Variants in LRRC7 observed in about 807,000 individuals in gnomAD.
LRRC7 encodes leucine rich repeat containing 7.
In LRRC7, 23 loss-of-function variants were observed where a neutral mutation model predicts 175.7. The observed-to-expected ratio is 0.13, with a 90% CI of 0.09 to 0.19. LRRC7 has a LOEUF of 0.19. Ranked by LOEUF, LRRC7 falls within the 10% of genes least tolerant of loss-of-function variation. The pLI, the probability that LRRC7 is intolerant of heterozygous loss-of-function variation, is 1.00. For synonymous variants in LRRC7, 685 were observed against 680.9 expected, an observed-to-expected ratio of 1.01 and a Z score of -0.09; for missense variants, 1,354 against 1,904.7, an observed-to-expected ratio of 0.71 and a Z score of 5.38.
Position 70,127,916 on chromosome 1 carries a change from C to A in LRRC7, c.*6029C>A, listed in dbSNP as rs918509246. 6.6e-6 allele frequency among the ~76,000 whole-genome samples: 1 copy of A among 152,172 alleles called. No homozygotes were observed. The highest frequency in any genetic ancestry group is 3.4e-3 in the Middle Eastern group (1 of 294). ...AGATTTTGAAACCTGGCATAATTTT[C>A]TCTTCTCCTTTTTTGAAAAAAAGAC... is the stretch of plus-strand genomic sequence containing the variant. On this transcript the variant is annotated 3_prime_UTR_variant, in exon 27 of 27. Coordinates refer to ENST00000651989, the MANE Select transcript of LRRC7 (RefSeq NM_001370785.2).
rs1218239843 is a variant in LRRC7 at position 70,129,574 on chromosome 1, C to T, written c.*7687C>T. 6.6e-6 allele frequency among the ~76,000 whole-genome samples: 1 copy of T among 152,028 alleles called. No individual in the cohort carries two copies. Among genetic ancestry groups the T allele is most frequent in the Non-Finnish European group, 1.5e-5 (1 of 68,016 alleles). The stretch of plus-strand genomic sequence containing the variant: ...AAAGAGTCTTCTAGGTTCAGCGGCC[C>T]CAAAAAGTCCCTCCTATGACCACTG... On this transcript the variant is annotated 3_prime_UTR_variant, in exon 27 of 27. Coordinates refer to ENST00000651989, the MANE Select transcript of LRRC7 (RefSeq NM_001370785.2).
Position 70,132,837 on chromosome 1 carries a change from G to A in LRRC7, c.*10950G>A, listed in dbSNP as rs1258548136. 6.6e-6 allele frequency among the ~76,000 whole-genome samples: 1 copy of A among 152,074 alleles called. No individual in the cohort carries two copies. The highest frequency in any genetic ancestry group is 1.9e-4 in the East Asian group (1 of 5,188). On this transcript the variant is annotated 3_prime_UTR_variant, in exon 27 of 27. Transcript: ENST00000651989. ...ACAGGTAAAAGCTCTGTGGAGAAAG[G>A]AGCAAAATTATTGTCCTATCATAAG...
At chr1:69,769,101 C>T (rs918880118) in intron 3 of LRRC7, among the ~76,000 whole-genome samples, 6 of 152,136 alleles carry the variant, frequency 3.9e-5, no homozygotes, top group East Asian at 1.9e-4. Flanking sequence ...ACTATAGTTA[C>T]CAGTTATTAT....
intron 2 of LRRC7, among the ~76,000 whole-genome samples, chr1:69,686,963 T>A (rs1350347687): frequency 6.6e-6 from 1 of 152,108 alleles, no homozygotes; most frequent in Non-Finnish European, 1.5e-5. Flanking sequence ...TATATTAATA[T>A]CAAGATAAAG....
chr1:69,631,691 C>A (rs1398986203), intron 1 of LRRC7, among the ~76,000 whole-genome samples: 1 of 152,050 alleles, frequency 6.6e-6, no homozygotes, highest in East Asian at 1.9e-4. Flanking sequence ...TGAGATAACC[C>A]TCAATGCAGA....
Position 70,102,235 on chromosome 1 carries a change from G to A in LRRC7, c.4546-5517G>A, listed in dbSNP as rs913175901. 3.9e-5 allele frequency among the ~76,000 whole-genome samples: 6 copies of A among 152,132 alleles called. No homozygotes were observed. In the East Asian group the frequency reaches 5.8e-4, roughly 15 times the overall value. On this transcript the variant is annotated intron_variant, in intron 25 of 26. Transcript: ENST00000651989. ...ATGGGACTCATGTCCACTACTAAGA[G>A]TGAACAGTAACTGGAGCCATTATCA...
At chr1:69,657,018 T>C (rs1028317572) in intron 1 of LRRC7, among the ~76,000 whole-genome samples, 1 of 151,798 alleles carries the variant, frequency 6.6e-6, no homozygotes, top group Non-Finnish European at 1.5e-5. Context: ...GGACAAGACA[T>C]AAATATTTAA....
chr1:69,909,603 C>T (rs1173776752), intron 7 of LRRC7, among the ~76,000 whole-genome samples: 1 of 152,172 alleles, frequency 6.6e-6, no homozygotes, highest in Non-Finnish European at 1.5e-5. Flanking sequence ...TTGGCCCCCA[C>T]TCTCTTCTGG....
intron 1 of LRRC7, among the ~76,000 whole-genome samples, chr1:69,656,513 A>G (rs1308635705): frequency 6.6e-6 from 1 of 151,990 alleles, no homozygotes; most frequent in Non-Finnish European, 1.5e-5. Flanking sequence ...GTTCAATTCC[A>G]GTATGTGGAA....
At chr1:70,057,766 T>C (rs932588166) in intron 23 of LRRC7, among the ~76,000 whole-genome samples, 7 of 152,160 alleles carry the variant, frequency 4.6e-5, no homozygotes, top group African/African-American at 1.7e-4. Flanking sequence ...TCAAGCACTA[T>C]AGAGAACAAA....
intron 26 of LRRC7, among the ~76,000 whole-genome samples, chr1:70,117,875 A>C (rs1665961410): frequency 6.6e-6 from 1 of 152,190 alleles, no homozygotes; most frequent in Admixed American, 6.5e-5. Context: ...CAGCAATAAA[A>C]TTTAAATTTT....
chr1:69,801,843 C>A (rs1271283980), intron 4 of LRRC7, among the ~76,000 whole-genome samples: 1 of 149,586 alleles, frequency 6.7e-6, no homozygotes, highest in African/African-American at 2.4e-5. Flanking sequence ...TTAATGTAAG[C>A]ATTTAATACT....
chr1:69,837,326 G>A (rs969822368), intron 6 of LRRC7, among the ~76,000 whole-genome samples: 1 of 151,804 alleles, frequency 6.6e-6, no homozygotes, highest in African/African-American at 2.4e-5. Flanking sequence ...TGTAAATAAT[G>A]AAAATAATAA....
At chr1:69,638,213 G>A (rs78255173) in intron 1 of LRRC7, among the ~76,000 whole-genome samples, 4,634 of 151,906 alleles carry the variant, frequency 0.031, 95 homozygotes, top group Non-Finnish European at 0.048. Flanking sequence ...GCTCTCAGTA[G>A]CGTTTAACAC....
chr1:69,706,823 C>T (rs543140499), intron 2 of LRRC7, among the ~76,000 whole-genome samples: 19 of 152,206 alleles, frequency 1.2e-4, no homozygotes, highest in African/African-American at 4.3e-4. Flanking sequence ...CACCCATTAA[C>T]GAAGAACACA....
At chr1:69,615,354 T>C (rs1649445931) in intron 1 of LRRC7, among the ~76,000 whole-genome samples, 1 of 151,772 alleles carries the variant, frequency 6.6e-6, no homozygotes, top group Admixed American at 6.6e-5. Flanking sequence ...CTACTGGGAG[T>C]TTCTTAGAAT....
chr1:69,674,181 T>TAACATACA (rs1659480143), intron 1 of LRRC7, among the ~76,000 whole-genome samples: 1 of 152,072 alleles, frequency 6.6e-6, no homozygotes, highest in Non-Finnish European at 1.5e-5. Context: ...TAATGATAAT[T>TAACATACA]TTACCAGAAT....
chr1:69,776,092 G>A (rs1672777247), intron 3 of LRRC7, among the ~76,000 whole-genome samples: 2 of 152,172 alleles, frequency 1.3e-5, no homozygotes, highest in South Asian at 4.1e-4. Flanking sequence ...GCAGACTTAA[G>A]TTTGAATCCC....
intron 5 of LRRC7, among the ~76,000 whole-genome samples, chr1:69,832,053 T>A (rs1466137461): frequency 1.3e-5 from 2 of 152,318 alleles, no homozygotes; most frequent in East Asian, 3.9e-4. Context: ...TGTGTTTGTT[T>A]TAGATTCCCC....
Sources: allele counts gnomAD v4.1 joint callset (sites outside exome capture counted in the v4.1 genomes callset), GRCh38; gene constraint gnomAD v4.1.1; transcripts MANE v1.5; gene names NCBI Gene and HGNC (gene_info 2026-07-23, HGNC 2026-07-21).